CTNNA3: variants seen among roughly 807,000 people sequenced by gnomAD.
CTNNA3 encodes catenin alpha 3.
A neutral mutation model predicts 95.7 loss-of-function variants in CTNNA3; 76 were observed. The observed-to-expected ratio is 0.79, with a 90% CI of 0.66 to 0.96. The LOEUF (loss-of-function observed/expected upper bound fraction) is 0.96. CTNNA3 is among the 40% of genes least tolerant of loss of function. The pLI is 0.00. For synonymous variants in CTNNA3, 431 were observed against 374.4 expected (o/e 1.15, Z -1.74); for missense variants, 1,191 against 1,089.8 (o/e 1.09, Z -1.31).
At chr10:66,807,435 A>G (rs1451315333) in intron 7 of CTNNA3, among the ~76,000 whole-genome samples, 1 of 152,114 alleles carries the variant, frequency 6.6e-6, no homozygotes, top group Non-Finnish European at 1.5e-5. Flanking sequence ...CCAACCCAGT[A>G]AAAGCCCTGT....
intron 9 of CTNNA3, among the ~76,000 whole-genome samples, chr10:66,671,088 A>G (rs190501560): frequency 6.6e-6 from 1 of 152,258 alleles, no homozygotes; most frequent in East Asian, 1.9e-4. Flanking sequence ...ACAATTAGAG[A>G]TGTCTTTTTG....
chr10:67,594,566 G>A (rs1341219729), intron 3 of CTNNA3, among the ~76,000 whole-genome samples: 2 of 151,594 alleles, frequency 1.3e-5, no homozygotes, highest in African/African-American at 4.8e-5. Context: ...AGTCTCTGAG[G>A]GTTTTTTATG....
intron 5 of CTNNA3, among the ~76,000 whole-genome samples, chr10:67,357,558 A>C (rs1330179286): frequency 6.6e-6 from 1 of 152,116 alleles, no homozygotes. Flanking sequence ...CAGAAAATGA[A>C]ATTACATCAG....
intron 10 of CTNNA3, among the ~76,000 whole-genome samples, chr10:66,528,820 C>A (rs1841360261): frequency 6.6e-6 from 1 of 152,088 alleles, no homozygotes; most frequent in Non-Finnish European, 1.5e-5. Context: ...ATTATCTTCT[C>A]AGTTTCTACA....
At chr10:67,742,507 T>C (rs1443922032) in intron 1 of CTNNA3, among the ~76,000 whole-genome samples, 1 of 150,634 alleles carries the variant, frequency 6.6e-6, no homozygotes, top group African/African-American at 2.4e-5. Flanking sequence ...AGGCAGTGTG[T>C]GGAGGGAAAT....
intron 12 of CTNNA3, among the ~76,000 whole-genome samples, chr10:66,311,947 A>C (rs992357309): frequency 3.9e-5 from 6 of 152,164 alleles, no homozygotes; most frequent in Admixed American, 3.9e-4. Context: ...TGCTACTTGA[A>C]TAATAGAAGG....
intron 1 of CTNNA3, among the ~76,000 whole-genome samples, chr10:67,712,479 TCC>T (rs1294630933): frequency 2.0e-5 from 3 of 152,176 alleles, no homozygotes; most frequent in Admixed American, 2.0e-4. Context: ...GGGCCCAGGG[TCC>T]CCGTGCTGTG....
chr10:67,360,754 G>A (rs534173051), intron 5 of CTNNA3, among the ~76,000 whole-genome samples: 9 of 151,944 alleles, frequency 5.9e-5, no homozygotes, highest in South Asian at 2.1e-4. Context: ...TTAAACAATC[G>A]ATCTCATGAT....
chr10:66,365,001 C>A (rs927603088), intron 12 of CTNNA3, among the ~76,000 whole-genome samples: 4 of 152,102 alleles, frequency 2.6e-5, no homozygotes, highest in Non-Finnish European at 5.9e-5. Context: ...TTGTATTATT[C>A]ATCCATTTAA....
chr10:66,756,164 C>A (rs1156581442), intron 9 of CTNNA3, among the ~76,000 whole-genome samples: 1 of 151,800 alleles, frequency 6.6e-6, no homozygotes, highest in Non-Finnish European at 1.5e-5. Flanking sequence ...CTGACTAGAC[C>A]AATAGCTGGA....
chr10:66,995,169 C>T (rs1035837113), intron 7 of CTNNA3, among the ~76,000 whole-genome samples: 5 of 152,140 alleles, frequency 3.3e-5, no homozygotes, highest in African/African-American at 1.2e-4. Flanking sequence ...TCAAACATAA[C>T]CCATGATTTC....
intron 5 of CTNNA3, among the ~76,000 whole-genome samples, chr10:67,447,555 T>G (rs1456358351): frequency 2.0e-5 from 3 of 152,154 alleles, no homozygotes; most frequent in African/African-American, 7.2e-5. Flanking sequence ...CCCCTCAGTC[T>G]AGAACATTCC....
intron 9 of CTNNA3, among the ~76,000 whole-genome samples, chr10:66,765,334 A>G (rs1839800867): frequency 1.3e-5 from 2 of 152,186 alleles, no homozygotes; most frequent in Admixed American, 1.3e-4. Context: ...CCGTAAAAAC[A>G]TATTTGACCA....
intron 1 of CTNNA3, among the ~76,000 whole-genome samples, chr10:67,650,417 G>A (rs1839842704): frequency 6.6e-6 from 1 of 152,136 alleles, no homozygotes; most frequent in Non-Finnish European, 1.5e-5. Flanking sequence ...CAAAATTCCA[G>A]TTTTCAGAAT....
Position 67,140,100 on chromosome 10 carries a change from C to T in CTNNA3, c.1047+40217G>A, listed in dbSNP as rs544369031. On this transcript the variant is annotated intron_variant, in intron 7 of 17. Transcript: ENST00000433211. The stretch of plus-strand genomic sequence containing the variant: ...GTAGGATTGATGGGATGTTTTATTT[C>T]TTACCTTTGAAAACATCCCTTATTT... 3.0e-3 allele frequency among the ~76,000 whole-genome samples: 456 copies of T among 152,238 alleles called. 3 individuals carry two copies. The highest frequency in any genetic ancestry group is 0.011 in the African/African-American group (439 of 41,558).
At chr10:67,037,574 T>C (rs7911404) in intron 7 of CTNNA3, among the ~76,000 whole-genome samples, 152,235 of 152,240 alleles carry the variant, frequency 1, 76,115 homozygotes, top group Non-Finnish European at 1. Context: ...TTGAATGAAG[T>C]ATGACTGGAT....
Position 67,206,987 on chromosome 10 carries a change from TG to T in CTNNA3, c.843+12619del, listed in dbSNP as rs202070713. ...CTCTACTAAAAATACGAAAATTAGCTGGGCGTGGTGGCAGGCGCCTGTAATA... is the reference window on the plus strand; with the variant it reads ...CTCTACTAAAAATACGAAAATTAGCTGGCGTGGTGGCAGGCGCCTGTAATA... On this transcript the variant is annotated intron_variant, in intron 6 of 17. Transcript: ENST00000433211. Among the ~76,000 whole-genome samples, 1,021 of 151,884 alleles carry T rather than the reference TG, an allele frequency of 6.7e-3. 7 individuals carry two copies. Among genetic ancestry groups the T allele is most frequent in the South Asian group, 0.019 (89 of 4,792 alleles).
rs187646924 is a variant in CTNNA3, at chr10:66,407,611, C to A, written c.1532-28259G>T. 1.2e-3 allele frequency among the ~76,000 whole-genome samples: 176 copies of A among 151,244 alleles called. 1 individual carries two copies. Among genetic ancestry groups the A allele is most frequent in the African/African-American group, 4.2e-3 (172 of 41,114 alleles). On this transcript the variant is annotated intron_variant, in intron 11 of 17. Coordinates refer to ENST00000433211, the MANE Select transcript of CTNNA3 (RefSeq NM_013266.4). ...ATTTTTTTTTTTTGAGACAGAGTCT[C>A]GCTCTGTCACCCGGGCTGGAGTGCA... is the stretch of plus-strand genomic sequence containing the variant.
At chr10:67,007,858 T>A (rs886168072) in intron 7 of CTNNA3, among the ~76,000 whole-genome samples, 2 of 152,040 alleles carry the variant, frequency 1.3e-5, no homozygotes, top group African/African-American at 4.8e-5. Context: ...ATTTCAGATA[T>A]TTTGATAAAA....
Sources: allele counts gnomAD v4.1 joint callset (sites outside exome capture counted in the v4.1 genomes callset), GRCh38; gene constraint gnomAD v4.1.1; transcripts MANE v1.5; gene names NCBI Gene and HGNC (gene_info 2026-07-23, HGNC 2026-07-21).